GEMIN8: variants seen among roughly 807,000 people sequenced by gnomAD.
GEMIN8 encodes the protein gem-associated protein 8.
For synonymous variants in GEMIN8, 80 were observed against 78.5 expected, an observed-to-expected ratio of 1.02 and a Z score of -0.10; for missense variants, 185 against 205.9, an observed-to-expected ratio of 0.90 and a Z score of 0.62.
the GEMIN8 span, among the ~76,000 whole-genome samples, chrX:13,984,952 C>T: frequency 1.9e-4 from 21 of 110,999 alleles, no homozygotes; most frequent in East Asian, 2.8e-4. Context: ...AGAAGGCCTT[C>T]GGGCAAAAAG....
chrX:13,998,712 C>T, the GEMIN8 span, among the ~76,000 whole-genome samples: 3 of 111,645 alleles, frequency 2.7e-5, no homozygotes, highest in Non-Finnish European at 5.6e-5. Context: ...CCTCGACCTC[C>T]CAAAGTGTTA....
intron 3 of GEMIN8, 85 bp from the exon 4 acceptor site, chrX:14,020,619 AACAGGTATTT>A (rs898846596): frequency 3.2e-6 from 2 of 626,732 alleles, no homozygotes; most frequent in African/African-American, 4.6e-5. Flanking sequence ...TCTGCTACCC[AACAGGTATTT>A]ACTTAGTATT....
At chrX:14,013,162 C>T (rs924002310) in intron 4 of GEMIN8, among the ~76,000 whole-genome samples, 13 of 111,846 alleles carry the variant, frequency 1.2e-4, no homozygotes, top group South Asian at 1.1e-3. Flanking sequence ...CCAACGAAAA[C>T]GGATTCTCAA....
chrX:13,989,887 T>C, the GEMIN8 span, among the ~76,000 whole-genome samples: 1 of 112,572 alleles, frequency 8.9e-6, no homozygotes, highest in African/African-American at 3.2e-5. Context: ...AAGTATATTA[T>C]ATCCTTTTCC....
At position 14,026,366 on chromosome X, in the gene GEMIN8, C is replaced by T. The variant is rs368393728; in HGVS notation, c.-115-145G>A. ...GTACAGAGACCATTCATTGTCTGTC[C>T]TCAACCACCAAAGAAGGAAGGAAAA... On this transcript the variant is annotated intron_variant, in intron 1 of 4. Transcript: ENST00000680255. 143 of 747,258 alleles carry T rather than the reference C, an allele frequency of 1.9e-4. No homozygotes were observed. The African/African-American group carries it at 3.1e-3, about 16-fold the overall frequency. The allele number at this position is 747,258 out of a possible 1,213,427, so 61.6% of individuals were successfully genotyped here.
intron 4 of GEMIN8, among the ~76,000 whole-genome samples, chrX:14,011,090 A>G (rs1368453506): frequency 2.7e-5 from 3 of 111,893 alleles, no homozygotes; most frequent in Non-Finnish European, 5.6e-5. Flanking sequence ...TGTTCCTGGT[A>G]CTCAGGTCAG....
chrX:14,007,628 C>A lies in GEMIN8; in HGVS notation c.*1285G>T, dbSNP rs556629128. Reference sequence around the variant, plus strand: ...CTGCAAGCTCCGCCTCCTGGGTTCACGCCATTCTCCTGCCTCAGCCTCCCA... The same window carrying A: ...CTGCAAGCTCCGCCTCCTGGGTTCAAGCCATTCTCCTGCCTCAGCCTCCCA... On this transcript the variant is annotated 3_prime_UTR_variant, in exon 5 of 5. Coordinates refer to ENST00000680255, the MANE Select transcript of GEMIN8 (RefSeq NM_001042479.2). Among the ~76,000 whole-genome samples the A allele has an allele frequency of 6.3e-4, 69 of 108,910 alleles. No individual in the cohort carries two copies. In the South Asian group the frequency reaches 0.028, roughly 44 times the overall value. 94.6% of individuals were successfully genotyped at this position (108,910 alleles called of 115,157 possible). A position where few individuals can be genotyped will look rare whatever the true frequency, so the allele number is the denominator to read the frequency against.
the GEMIN8 span, among the ~76,000 whole-genome samples, chrX:13,984,776 G>C: frequency 9.0e-6 from 1 of 111,519 alleles, no homozygotes; most frequent in Non-Finnish European, 1.9e-5. Flanking sequence ...TTATTGAGCT[G>C]GCTATCATTG....
intron 2 of GEMIN8, among the ~76,000 whole-genome samples, chrX:14,024,497 TCAAAAA>T (rs772552640): frequency 6.4e-5 from 7 of 108,643 alleles, no homozygotes; most frequent in Non-Finnish European, 1.1e-4. Context: ...AGACTCAGTC[TCAAAAA>T]CAAAAACAAA....
intron 4 of GEMIN8, 101 bp from the exon 5 acceptor site, chrX:14,009,270 C>A: frequency 1.2e-6 from 1 of 822,840 alleles, no homozygotes. Context: ...CCATCTGCAG[C>A]CCCCTAAGGT....
At chrX:14,010,466 G>A (rs1569351734) in intron 4 of GEMIN8, among the ~76,000 whole-genome samples, 1 of 111,913 alleles carries the variant, frequency 8.9e-6, no homozygotes, top group Non-Finnish European at 1.9e-5. Context: ...TGGTTGTAGG[G>A]AAATAAAAGA....
intron 4 of GEMIN8, among the ~76,000 whole-genome samples, chrX:14,018,752 CTTTCTTTTCTTTTCT>C (rs957212591): frequency 9.5e-6 from 1 of 104,723 alleles, no homozygotes; most frequent in African/African-American, 3.5e-5. Flanking sequence ...TTTTTCTTTT[CTTTCTTTTCTTTTCT>C]TTTTTTTTTT....
the GEMIN8 span, among the ~76,000 whole-genome samples, chrX:13,987,888 C>T: frequency 2.7e-5 from 3 of 112,142 alleles, no homozygotes; most frequent in African/African-American, 6.5e-5. Flanking sequence ...TGGCTTCCCC[C>T]TTAGTTATAA....
At chrX:13,986,880 T>C in the GEMIN8 span, among the ~76,000 whole-genome samples, 4 of 112,597 alleles carry the variant, frequency 3.6e-5, no homozygotes, top group Non-Finnish European at 7.5e-5. Flanking sequence ...CTAAGGACTG[T>C]TGCCAACCAA....
rs1199196219 is a variant in GEMIN8 at position 14,007,384 on chromosome X, G to T, written c.*1529C>A. ...GTAATAACTTATTTAAAAGGCAGCTGGCTTTTATAAATGACCTGCTCCATC... is the reference window on the plus strand; with the variant it reads ...GTAATAACTTATTTAAAAGGCAGCTTGCTTTTATAAATGACCTGCTCCATC... On this transcript the variant is annotated 3_prime_UTR_variant, in exon 5 of 5. Transcript: ENST00000680255. Among the ~76,000 whole-genome samples, 1 of 112,051 alleles carries T rather than the reference G, an allele frequency of 8.9e-6. No individual in the cohort carries two copies. Among genetic ancestry groups the T allele is most frequent in the African/African-American group, 3.2e-5 (1 of 30,900 alleles).
downstream of GEMIN8, among the ~76,000 whole-genome samples, chrX:14,003,518 C>T (rs1444831080): frequency 8.9e-6 from 1 of 112,308 alleles, no homozygotes. Context: ...CTGACTTGAC[C>T]TTAATGATTT....
At chrX:14,011,270 C>T (rs1923516071) in intron 4 of GEMIN8, among the ~76,000 whole-genome samples, 1 of 111,496 alleles carries the variant, frequency 9.0e-6, no homozygotes, top group South Asian at 3.7e-4. Flanking sequence ...GCAGTACAGA[C>T]TGGTGAGATA....
Position 14,007,908 on chromosome X carries a change from G to C in GEMIN8, c.*1005C>G, listed in dbSNP as rs1354372928. On this transcript the variant is annotated 3_prime_UTR_variant, in exon 5 of 5. Transcript: ENST00000680255. ...TGAGATAACAAGAATAAAAATGTCA[G>C]GCAGGTGATTTTCATTCCATGAGAG... Among the ~76,000 whole-genome samples the C allele has an allele frequency of 8.9e-6, 1 of 111,743 alleles. No homozygotes were observed. Among genetic ancestry groups the C allele is most frequent in the Non-Finnish European group, 1.9e-5 (1 of 53,182 alleles).
chrX:14,019,579 T>C (rs774999044), intron 4 of GEMIN8, among the ~76,000 whole-genome samples: 1 of 111,963 alleles, frequency 8.9e-6, no homozygotes, highest in South Asian at 3.7e-4. Flanking sequence ...TTTAGGAACC[T>C]AGCAGTCTCA....
Sources: gnomAD v4.1 joint callset for allele counts (sites outside exome capture counted in the v4.1 genomes callset) on GRCh38, gnomAD v4.1.1 for gene constraint, MANE v1.5 for transcripts, NCBI Gene and HGNC (gene_info 2026-07-23, HGNC 2026-07-21) for gene names.